The following CCND3 variants were observed in gnomAD, a reference collection of about 807,000 sequenced individuals.
CCND3 encodes G1/S-specific cyclin-D3.
Under a neutral mutation model 28.7 loss-of-function variants are expected in CCND3, and 9 were observed. The ratio of observed to expected loss-of-function variants is 0.31; its 90% CI spans 0.19 to 0.55. The LOEUF is 0.55. Ranked by LOEUF, CCND3 falls within the 20% of genes least tolerant of loss-of-function variation. The pLI, the probability that CCND3 is intolerant of heterozygous loss-of-function variation, is 0.93. For synonymous variants in CCND3, 164 were observed against 163.9 expected, an observed-to-expected ratio of 1.00 and a Z score of 0.00; for missense variants, 315 against 385.8, an observed-to-expected ratio of 0.82 and a Z score of 1.54.
At chr6:41,957,903 T>C (rs1328072127) in intron 1 of CCND3, among the ~76,000 whole-genome samples, 1 of 152,086 alleles carries the variant, frequency 6.6e-6, no homozygotes, top group Non-Finnish European at 1.5e-5. Flanking sequence ...CAAGCTGGTC[T>C]CGAACTCCTG....
chr6:41,966,356 G>A (rs556665480), intron 1 of CCND3, among the ~76,000 whole-genome samples: 3 of 152,012 alleles, frequency 2.0e-5, no homozygotes, highest in Non-Finnish European at 4.4e-5. Flanking sequence ...GGAGGTCGAG[G>A]CTGCAATGAG....
intron 1 of CCND3, among the ~76,000 whole-genome samples, chr6:41,953,061 C>T (rs1244762836): frequency 6.6e-6 from 1 of 151,934 alleles, no homozygotes; most frequent in Non-Finnish European, 1.5e-5. Flanking sequence ...CACCTGAGGT[C>T]GGGAGTTTAA....
At chr6:41,970,577 C>G (rs1762008183) in intron 1 of CCND3, among the ~76,000 whole-genome samples, 1 of 152,092 alleles carries the variant, frequency 6.6e-6, no homozygotes, top group Non-Finnish European at 1.5e-5. Context: ...TTTATATTAA[C>G]AACCTCACTT....
intron 1 of CCND3, among the ~76,000 whole-genome samples, chr6:42,004,239 A>C (rs994142186): frequency 2.0e-4 from 30 of 152,012 alleles, no homozygotes; most frequent in African/African-American, 6.7e-4. Context: ...AGCTGGGATT[A>C]CAGGTGTGAG....
chr6:42,016,180 C>T (rs528548358), intron 1 of CCND3, among the ~76,000 whole-genome samples: 3 of 152,076 alleles, frequency 2.0e-5, no homozygotes, highest in African/African-American at 4.8e-5. Context: ...GGTGATCCAC[C>T]GGCCTCGGCC....
intron 1 of CCND3, among the ~76,000 whole-genome samples, chr6:41,987,200 CT>C (rs1482694426): frequency 6.6e-6 from 1 of 151,988 alleles, no homozygotes; most frequent in Non-Finnish European, 1.5e-5. Context: ...TCATTCCTCT[CT>C]TTTGAGCTCC....
intron 1 of CCND3, among the ~76,000 whole-genome samples, chr6:42,006,936 C>T (rs979831709): frequency 6.6e-5 from 10 of 151,224 alleles, no homozygotes; most frequent in Non-Finnish European, 1.2e-4. Flanking sequence ...ATTAAGTAGG[C>T]GAATGATAAA....
rs772818142 is a variant in CCND3, at chr6:41,959,679, T to TCCGTCTCAAA, written c.-45-19095_-45-19094insTTTGAGACGG. 1.6e-4 allele frequency among the ~76,000 whole-genome samples: 24 copies of TCCGTCTCAAA among 147,170 alleles called. 1 individual carries two copies. The highest frequency in any genetic ancestry group is 4.1e-4 in the East Asian group (2 of 4,900). On this transcript the variant is annotated intron_variant, in intron 1 of 4. Transcript: ENST00000372988. ...CTCCAGCCTGGCGACACAGCAAGAC[T>TCCGTCTCAAA]AAATCAGGCCAGGCGCGGTGGCTCA...
chr6:41,949,524 C>T (rs1451272217), intron 1 of CCND3, among the ~76,000 whole-genome samples: 2 of 152,032 alleles, frequency 1.3e-5, no homozygotes, highest in Non-Finnish European at 2.9e-5. Flanking sequence ...GAAATTTCCG[C>T]CAGGCGCAGT....
At chr6:41,980,315 T>A (rs1480666142) in intron 1 of CCND3, among the ~76,000 whole-genome samples, 1 of 152,088 alleles carries the variant, frequency 6.6e-6, no homozygotes, top group Non-Finnish European at 1.5e-5. Flanking sequence ...TTTGTATTTT[T>A]AGTTGAGACG....
intron 1 of CCND3, among the ~76,000 whole-genome samples, chr6:41,973,905 G>T (rs746449419): frequency 6.6e-6 from 1 of 152,134 alleles, no homozygotes; most frequent in Non-Finnish European, 1.5e-5. Context: ...CCTAGTGGGC[G>T]GGCGCAGTGG....
chr6:42,027,737 TTTTTGTTTGTTTGTTTGTTTG>T (rs374781071), intron 1 of CCND3, among the ~76,000 whole-genome samples: 81 of 152,038 alleles, frequency 5.3e-4, no homozygotes, highest in African/African-American at 1.8e-3. Context: ...GCCTCAGTTT[TTTTTGTTTGTTTGTTTGTTTG>T]TTTTTGAGAC....
intron 1 of CCND3, among the ~76,000 whole-genome samples, chr6:41,967,474 G>A (rs1326571408): frequency 6.6e-6 from 1 of 152,190 alleles, no homozygotes; most frequent in Non-Finnish European, 1.5e-5. Flanking sequence ...TATAAAAGGA[G>A]CTGGGCCAGG....
chr6:42,047,375 G>A (rs1010045996), intron 1 of CCND3, among the ~76,000 whole-genome samples: 6 of 152,190 alleles, frequency 3.9e-5, no homozygotes, highest in Admixed American at 1.3e-4. Context: ...GTCATTTCCC[G>A]AAGGAGCCCC....
intron 1 of CCND3, among the ~76,000 whole-genome samples, chr6:42,022,219 T>C (rs983916970): frequency 6.6e-5 from 10 of 152,156 alleles, no homozygotes; most frequent in Non-Finnish European, 1.3e-4. Context: ...CGAATCCAAG[T>C]TGGCCTGAAT....
intron 1 of CCND3, among the ~76,000 whole-genome samples, chr6:41,971,980 C>T (rs1224582457): frequency 6.7e-6 from 1 of 150,292 alleles, no homozygotes; most frequent in African/African-American, 2.4e-5. Context: ...AATCCCAGCA[C>T]TTTGGGAGGC....
chr6:41,950,421 G>T (rs147966616), intron 1 of CCND3, among the ~76,000 whole-genome samples: 185 of 152,234 alleles, frequency 1.2e-3, no homozygotes, highest in African/African-American at 4.2e-3. Context: ...TCTGCTATTT[G>T]CCAGCTGTGT....
intron 1 of CCND3, among the ~76,000 whole-genome samples, chr6:41,986,053 A>C (rs909850936): frequency 2.6e-5 from 4 of 152,158 alleles, no homozygotes; most frequent in Middle Eastern, 6.8e-3. Context: ...CCCAGTGTGC[A>C]TACATGCCAG....
intron 1 of CCND3, among the ~76,000 whole-genome samples, chr6:42,029,193 G>A (rs1052547565): frequency 7.3e-5 from 11 of 150,010 alleles, no homozygotes; most frequent in African/African-American, 2.2e-4. Context: ...GTCTCACTAT[G>A]TTGCCCAGGC....
Sources: gnomAD v4.1 joint callset for allele counts (sites outside exome capture counted in the v4.1 genomes callset) on GRCh38, gnomAD v4.1.1 for gene constraint, MANE v1.5 for transcripts, NCBI Gene and HGNC (gene_info 2026-07-23, HGNC 2026-07-21) for gene names.